Variants in CIT observed in about 807,000 individuals in gnomAD.
The protein encoded by CIT is citron Rho-interacting kinase.
A neutral mutation model predicts 272.7 loss-of-function variants in CIT; 79 were observed. The observed-to-expected ratio is 0.29, with a 90% CI of 0.24 to 0.35. The LOEUF (loss-of-function observed/expected upper bound fraction) is 0.35, where lower values mean the gene tolerates loss of function less well. CIT is among the 10% of genes least tolerant of loss of function. CIT has a pLI of 1.00. For missense variants in CIT, 1,909 were observed against 2,618.3 expected (o/e 0.73, Z 5.91); for synonymous variants, 948 against 995.6 (o/e 0.95, Z 0.90).
At chr12:119,860,896 G>A (rs969941062) in intron 3 of CIT, among the ~76,000 whole-genome samples, 2 of 151,834 alleles carry the variant, frequency 1.3e-5, no homozygotes, top group South Asian at 2.1e-4. Flanking sequence ...CCAGGTGGGC[G>A]GATCACCTGA....
intron 10 of CIT, among the ~76,000 whole-genome samples, chr12:119,800,857 T>G (rs374024209): frequency 1.2e-4 from 19 of 152,330 alleles, no homozygotes; most frequent in African/African-American, 4.3e-4. Context: ...AGATTTCTAA[T>G]TAATCACAAT....
intron 23 of CIT, 28 bp downstream of exon 23, chr12:119,752,022 A>G: frequency 1.3e-6 from 2 of 1,596,482 alleles, no homozygotes; most frequent in African/African-American, 2.7e-5. Context: ...GCCTTTAGCA[A>G]CCTGAAGATG....
chr12:119,756,138 A>C (rs755954993), intron 22 of CIT, among the ~76,000 whole-genome samples: 3 of 152,230 alleles, frequency 2.0e-5, no homozygotes, highest in Non-Finnish European at 2.9e-5. Flanking sequence ...AACTAGTAAG[A>C]GGTCATAAAA....
At chr12:119,769,019 C>T (rs553576970) in intron 18 of CIT, among the ~76,000 whole-genome samples, 4 of 151,878 alleles carry the variant, frequency 2.6e-5, no homozygotes, top group Admixed American at 2.6e-4. Flanking sequence ...AAGATACACT[C>T]GGACGAAGAA....
chr12:119,799,272 A>T (rs1450713655), intron 10 of CIT, among the ~76,000 whole-genome samples: 1 of 152,194 alleles, frequency 6.6e-6, no homozygotes, highest in Non-Finnish European at 1.5e-5. Flanking sequence ...ACAACAGTGA[A>T]CATTTACCAA....
intron 10 of CIT, among the ~76,000 whole-genome samples, chr12:119,787,067 T>C (rs1425278693): frequency 6.6e-6 from 1 of 152,034 alleles, no homozygotes; most frequent in Non-Finnish European, 1.5e-5. Flanking sequence ...CAGACTCAAG[T>C]GATTCTCTTA....
intron 10 of CIT, among the ~76,000 whole-genome samples, chr12:119,789,541 T>A (rs1965119724): frequency 6.6e-6 from 1 of 152,224 alleles, no homozygotes; most frequent in Non-Finnish European, 1.5e-5. Flanking sequence ...CAATTTAAAA[T>A]GTTTATATTC....
intron 7 of CIT, among the ~76,000 whole-genome samples, chr12:119,829,344 A>AGAAG (rs1968424850): frequency 8.2e-5 from 11 of 133,344 alleles, no homozygotes; most frequent in African/African-American, 2.8e-4. Context: ...CTTGAAAGAA[A>AGAAG]AGAAGAGAAG....
At chr12:119,709,520 CA>C (rs1399185525) in intron 39 of CIT, among the ~76,000 whole-genome samples, 1 of 152,100 alleles carries the variant, frequency 6.6e-6, no homozygotes, top group Admixed American at 6.5e-5. Flanking sequence ...TAAGAAAGGC[CA>C]GTTCTTGTCC....
intron 9 of CIT, among the ~76,000 whole-genome samples, chr12:119,818,549 G>C (rs17442895): frequency 0.015 from 2,224 of 152,286 alleles, 30 homozygotes; most frequent in Non-Finnish European, 0.02. Flanking sequence ...GACTATCTCA[G>C]CGTTTCATCA....
In CIT at chr12:119,757,564, G is replaced by A. The variant is rs1961172521; in HGVS notation, c.2532-19C>T. On this transcript the variant is annotated intron_variant, in intron 21 of 47. Coordinates refer to ENST00000392521, the MANE Select transcript of CIT (RefSeq NM_001206999.2). ...GGCCTTCCTGGTGGGGGTGGTGGGA[G>A]GATCCAAACAAAATCACAGTCTCAT... 2 of 1,613,930 alleles carry A rather than the reference G, an allele frequency of 1.2e-6. No homozygotes were observed. Among genetic ancestry groups the A allele is most frequent in the Admixed American group, 3.3e-5 (2 of 59,998 alleles).
chr12:119,720,154 T>C (rs191225386), intron 30 of CIT, among the ~76,000 whole-genome samples: 8 of 152,292 alleles, frequency 5.3e-5, no homozygotes, highest in Admixed American at 5.2e-4. Context: ...ATGCATGACT[T>C]GGTATAAATC....
intron 30 of CIT, among the ~76,000 whole-genome samples, chr12:119,720,260 T>C (rs1418861370): frequency 6.6e-6 from 1 of 152,230 alleles, no homozygotes; most frequent in African/African-American, 2.4e-5. Context: ...TGAATGGTCA[T>C]AAACAAAAAG....
At chr12:119,693,443 G>A (rs989355764) in intron 46 of CIT, among the ~76,000 whole-genome samples, 4 of 152,096 alleles carry the variant, frequency 2.6e-5, no homozygotes, top group South Asian at 2.1e-4. Context: ...TCTGCCCCTC[G>A]TTCTCAGGAA....
In CIT at chr12:119,804,193, GT is replaced by G; in HGVS notation, c.1112-805del. 1 of 985,488 alleles carries G rather than the reference GT, an allele frequency of 1.0e-6. No individual in the cohort carries two copies. The highest frequency in any genetic ancestry group is 1.2e-6 in the Non-Finnish European group (1 of 830,032). 61.0% of individuals were successfully genotyped at this position (985,488 alleles called of 1,614,324 possible). ...CAGGGCTTCACTCCCGGCTGGGGGCGTGTTACATCCTCTCCACTTCCTCCGA... is the reference window on the plus strand; with the variant it reads ...CAGGGCTTCACTCCCGGCTGGGGGCGGTTACATCCTCTCCACTTCCTCCGA... On this transcript the variant is annotated intron_variant, in intron 9 of 47. Coordinates refer to ENST00000392521, the MANE Select transcript of CIT (RefSeq NM_001206999.2). This position sits in a 1 kb window ranked among gnomAD's most constrained non-coding sequence, Gnocchi z 5.3.
chr12:119,740,547 G>GT (rs35121603), intron 24 of CIT, among the ~76,000 whole-genome samples: 37,515 of 151,668 alleles, frequency 0.25, 4,879 homozygotes, highest in Middle Eastern at 0.34. Context: ...GTAAAAAAAA[G>GT]TTTTTTAGAA....
At chr12:119,836,826 T>C (rs1016843626) in intron 5 of CIT, among the ~76,000 whole-genome samples, 21 of 152,240 alleles carry the variant, frequency 1.4e-4, no homozygotes, top group South Asian at 2.1e-4. Flanking sequence ...ACTCCTGACA[T>C]TCTATTTGCA....
At chr12:119,841,978 A>G (rs1282420219) in intron 5 of CIT, among the ~76,000 whole-genome samples, 1 of 152,200 alleles carries the variant, frequency 6.6e-6, no homozygotes, top group Non-Finnish European at 1.5e-5. Context: ...GAGTGAACAC[A>G]AGGAAGTCAT....
intron 23 of CIT, among the ~76,000 whole-genome samples, chr12:119,751,376 C>G (rs923955292): frequency 9.6e-5 from 4 of 41,742 alleles, no homozygotes; most frequent in Non-Finnish European, 1.8e-4. Flanking sequence ...GGAAAATGGC[C>G]CCACAAAAAA....
Sources: gnomAD v4.1 joint callset for allele counts (sites outside exome capture counted in the v4.1 genomes callset) on GRCh38, gnomAD v4.1.1 for gene constraint, Gnocchi (gnomAD v3.1) non-coding constraint, MANE v1.5 for transcripts, NCBI Gene and HGNC (gene_info 2026-07-23, HGNC 2026-07-21) for gene names.